Variants in KMT2E observed in about 807,000 individuals in gnomAD.
KMT2E encodes lysine methyltransferase 2E (inactive).
Under a neutral mutation model 184.6 loss-of-function variants are expected in KMT2E, and 30 were observed. That is an observed-to-expected ratio of 0.16 (90% confidence interval 0.12 to 0.22). KMT2E has a LOEUF of 0.22. KMT2E is among the 10% of genes least tolerant of loss of function. The pLI is 1.00. For synonymous variants in KMT2E, 815 were observed against 776.5 expected (o/e 1.05, Z -0.82); for missense variants, 2,023 against 2,237.4 (o/e 0.90, Z 1.93).
intron 13 of KMT2E, among the ~76,000 whole-genome samples, chr7:105,086,916 CAT>C (rs1041753343): frequency 3.1e-5 from 4 of 129,542 alleles, no homozygotes; most frequent in African/African-American, 9.2e-5. Flanking sequence ...TATTATATAG[CAT>C]ATATATGCTA....
Position 105,112,110 on chromosome 7 carries a change from A to G in KMT2E, c.4354A>G (p.Lys1452Glu), listed in dbSNP as rs1459107797. 1.2e-6 allele frequency: 2 copies of G among 1,613,954 alleles called. No individual in the cohort carries two copies. Among genetic ancestry groups the G allele is most frequent in the African/African-American group, 2.7e-5 (2 of 74,884 alleles). ...ATCACCTCACCTAGAAAATCCTCCAAAGTCATCCACGCCTCACACACCTGT... is the reference window on the plus strand; with the variant it reads ...ATCACCTCACCTAGAAAATCCTCCAGAGTCATCCACGCCTCACACACCTGT... ...PPSPHLENPP[K>E]SSTPHTPVQH... Residue 1452 changes from lysine (K) to glutamate (E), a missense_variant, in exon 27 of 27, where the codon AAG becomes GAG. Physicochemically the swap from Lys to Glu is moderately conservative, Grantham distance 56. Transcript: ENST00000311117.
chr7:105,089,898 A>G lies in KMT2E; in HGVS notation c.1359-111A>G, dbSNP rs1798130976. ...TAAATTACTAAAAAGGATTGCTTATAATTAATAGTAATTGCATACAATTTT... is the reference window on the plus strand; with the variant it reads ...TAAATTACTAAAAAGGATTGCTTATGATTAATAGTAATTGCATACAATTTT... On this transcript the variant is annotated intron_variant, in intron 13 of 26. Coordinates refer to ENST00000311117, the MANE Select transcript of KMT2E (RefSeq NM_182931.3). 13 of 1,470,076 alleles carry G rather than the reference A, an allele frequency of 8.8e-6. No homozygotes were observed. In the South Asian group the frequency reaches 1.3e-4, roughly 15 times the overall value. The allele number at this position is 1,470,076 out of a possible 1,614,324, so 91.1% of individuals were successfully genotyped here.
Position 105,107,784 on chromosome 7 carries a change from GGAT to G in KMT2E, c.3331_3333del (p.Asp1111del). 1 of 1,614,162 alleles carries G rather than the reference GGAT, an allele frequency of 6.2e-7. No individual in the cohort carries two copies. The highest frequency in any genetic ancestry group is 8.5e-7 in the Non-Finnish European group (1 of 1,180,034). On this transcript the variant is annotated inframe_deletion, in exon 22 of 27. Coordinates refer to ENST00000311117, the MANE Select transcript of KMT2E (RefSeq NM_182931.3). ...TAAGTGAGTCAAAGTGCCTGATGCAGGATGATACTAGAGGCATGTTTATGGAAA... is the reference window on the plus strand; with the variant it reads ...TAAGTGAGTCAAAGTGCCTGATGCAGGATACTAGAGGCATGTTTATGGAAA...
At chr7:105,071,598 A>G (rs1199119752) in intron 6 of KMT2E, among the ~76,000 whole-genome samples, 1 of 63,288 alleles carries the variant, frequency 1.6e-5, no homozygotes, top group Non-Finnish European at 3.0e-5. Context: ...ATATATATAT[A>G]TATATATATA....
chr7:105,107,058 C>A, intron 20 of KMT2E, 108 bp from the exon 21 acceptor site: 1 of 694,982 alleles, frequency 1.4e-6, no homozygotes, highest in Non-Finnish European at 2.3e-6. Context: ...GAAACAAGAT[C>A]TAAAACTAAA....
intron 6 of KMT2E, among the ~76,000 whole-genome samples, chr7:105,067,048 C>A (rs1174832569): frequency 3.1e-5 from 4 of 128,424 alleles, no homozygotes; most frequent in Non-Finnish European, 4.8e-5. Flanking sequence ...CAGAGCAAAA[C>A]CCAGTCTCTT....
At chr7:105,094,751 A>T (rs2129569097) in intron 15 of KMT2E, among the ~76,000 whole-genome samples, 1 of 152,292 alleles carries the variant, frequency 6.6e-6, no homozygotes, top group Non-Finnish European at 1.5e-5. Context: ...GAGGTTCACA[A>T]TATTAAGATA....
chr7:105,017,565 ATG>A (rs1332619333), intron 1 of KMT2E, among the ~76,000 whole-genome samples: 1 of 147,718 alleles, frequency 6.8e-6, no homozygotes, highest in African/African-American at 2.5e-5. Flanking sequence ...TTAATTTACT[ATG>A]TGTGTTTTAA....
At position 105,090,071 on chromosome 7, in the gene KMT2E, G is replaced by C; in HGVS notation, c.1421G>C (p.Ser474Thr). The change falls in exon 14 of 27, where the codon AGT becomes ACT. Residue 474 changes from serine to threonine, a missense_variant. By Grantham distance (58) the Ser-to-Thr change is moderately conservative (BLOSUM62 1). This residue lies in a region of KMT2E where 514 missense variants were observed against 621.8 expected (regional missense o/e 0.83). Coordinates refer to ENST00000311117, the MANE Select transcript of KMT2E (RefSeq NM_182931.3). ...CCAGAGTGCCCTGTTCTAAAACGTA[G>C]TTCTGAATCCATGGAAAATATCAAT... is the stretch of plus-strand genomic sequence containing the variant. ...ENPECPVLKR[S>T]SESMENINSG... 6.2e-7 allele frequency: 1 copy of C among 1,613,760 alleles called. No homozygotes were observed. The highest frequency in any genetic ancestry group is 8.5e-7 in the Non-Finnish European group (1 of 1,179,910).
intron 9 of KMT2E, among the ~76,000 whole-genome samples, 179 bp from the exon 10 acceptor site, chr7:105,076,784 A>G (rs534018375): frequency 6.6e-6 from 1 of 151,898 alleles, no homozygotes; most frequent in South Asian, 2.1e-4. Flanking sequence ...TCCCTGTGGT[A>G]TTTATTATTC....
intron 3 of KMT2E, among the ~76,000 whole-genome samples, chr7:105,049,202 T>C: frequency 6.6e-6 from 1 of 152,014 alleles, no homozygotes; most frequent in Non-Finnish European, 1.5e-5. Flanking sequence ...CCTAGCACTT[T>C]GGGAGGCTGA....
chr7:105,052,511 T>G (rs979816055), intron 3 of KMT2E, among the ~76,000 whole-genome samples: 5 of 152,168 alleles, frequency 3.3e-5, no homozygotes, highest in Non-Finnish European at 7.4e-5. Context: ...ATAGTAAGCA[T>G]TGAGTCATGA....
At chr7:105,066,836 C>G in intron 6 of KMT2E, 29 bp downstream of exon 6, 1 of 1,452,864 alleles carries the variant, frequency 6.9e-7, no homozygotes, top group East Asian at 2.3e-5. Context: ...ATAACATTGC[C>G]AGTAATTTTA....
At chr7:105,108,802 TTAA>T (rs1799028747) in intron 22 of KMT2E, 137 bp from the exon 23 acceptor site, 2 of 711,232 alleles carry the variant, frequency 2.8e-6, no homozygotes, top group African/African-American at 1.8e-5. Flanking sequence ...TTGGTAATTG[TTAA>T]TTATTTGTTC....
chr7:105,023,516 C>T (rs1219488610), intron 1 of KMT2E, among the ~76,000 whole-genome samples: 2 of 150,064 alleles, frequency 1.3e-5, no homozygotes, highest in Non-Finnish European at 2.9e-5. Context: ...GTGATCTCCA[C>T]CCACTGCAAG....
intron 3 of KMT2E, among the ~76,000 whole-genome samples, chr7:105,047,445 G>A (rs2129565820): frequency 6.6e-6 from 1 of 152,296 alleles, no homozygotes; most frequent in Admixed American, 6.5e-5. Flanking sequence ...GATTTTTGCA[G>A]GATTAAGTTG....
rs576311298 is a variant in KMT2E at position 105,063,682 on chromosome 7, A to G, written c.416+102A>G. On this transcript the variant is annotated intron_variant, in intron 5 of 26. Coordinates refer to ENST00000311117, the MANE Select transcript of KMT2E (RefSeq NM_182931.3). ...GTCACTTTCAAGGGAATTAATGGAT[A>G]CATATTTTAAGTGGGACTTCTACTA... 32 of 756,594 alleles carry G rather than the reference A, an allele frequency of 4.2e-5. No individual in the cohort carries two copies. In the East Asian group the frequency reaches 8.4e-4, roughly 20 times the overall value. The allele number at this position is 756,594 out of a possible 1,614,324, so 46.9% of individuals were successfully genotyped here.
At chr7:105,020,140 A>C (rs1431477595) in intron 1 of KMT2E, among the ~76,000 whole-genome samples, 1 of 151,962 alleles carries the variant, frequency 6.6e-6, no homozygotes, top group Non-Finnish European at 1.5e-5. Context: ...AGTAAATTAA[A>C]AAAAAAAATT....
rs1794619509 is a variant in KMT2E at position 105,014,362 on chromosome 7, T to G, written c.-362T>G. On this transcript the variant is annotated 5_prime_UTR_variant, in exon 1 of 27. Coordinates refer to ENST00000311117, the MANE Select transcript of KMT2E (RefSeq NM_182931.3). ...GCCTGGCTGCCCCCTCCCCTACTCC[T>G]CGGTTCCTGGTGAAGAGGCTGCGCG... The G allele has an allele frequency of 6.5e-6, 1 of 154,644 alleles. No homozygotes were observed. The highest frequency in any genetic ancestry group is 6.5e-5 in the Admixed American group (1 of 15,298). 9.6% of individuals were successfully genotyped at this position (154,644 alleles called of 1,614,324 possible). A position where few individuals can be genotyped will look rare whatever the true frequency, so the allele number is the denominator to read the frequency against.
Sources: gnomAD v4.1 joint callset for allele counts (sites outside exome capture counted in the v4.1 genomes callset) on GRCh38, gnomAD v4.1.1 for gene constraint, gnomAD v4.1.1 regional missense constraint, MANE v1.5 for transcripts, NCBI Gene and HGNC (gene_info 2026-07-23, HGNC 2026-07-21) for gene names.